Variants in TENM2 observed in about 807,000 individuals in gnomAD.
TENM2 encodes teneurin transmembrane protein 2.
A neutral mutation model predicts 245.2 loss-of-function variants in TENM2; 52 were observed. The observed-to-expected ratio is 0.21, with a 90% CI of 0.17 to 0.27. The LOEUF (loss-of-function observed/expected upper bound fraction) is 0.27. Ranked by LOEUF, TENM2 falls within the 10% of genes least tolerant of loss-of-function variation. The probability of loss-of-function intolerance (pLI) is 1.00; values close to 1 mark genes in which losing one functional copy is unlikely to be tolerated. For missense variants in TENM2, 3,046 were observed against 3,666.8 expected, an observed-to-expected ratio of 0.83 and a Z score of 4.37; for synonymous variants, 1,363 against 1,438.9, an observed-to-expected ratio of 0.95 and a Z score of 1.19.
At chr5:167,165,928 A>G in the TENM2 span, among the ~76,000 whole-genome samples, 1 of 152,208 alleles carries the variant, frequency 6.6e-6, no homozygotes, top group Non-Finnish European at 1.5e-5. Flanking sequence ...TACATATTCA[A>G]CAACCAGAAT....
At chr5:167,498,803 T>A (rs558207226) in intron 2 of TENM2, among the ~76,000 whole-genome samples, 2 of 152,282 alleles carry the variant, frequency 1.3e-5, no homozygotes, top group South Asian at 4.2e-4. Context: ...GTCTCACCAC[T>A]TTCCTCTTTT....
Position 168,203,850 on chromosome 5 carries a change from C to A in TENM2, c.3574+18C>A. On this transcript the variant is annotated intron_variant, in intron 18 of 28. Transcript: ENST00000518659. ...TAAAAGTGGTACGTGAACACATCTTCTTTCCCAAATACAGCCTTGCCACTT... is the reference window on the plus strand; with the variant it reads ...TAAAAGTGGTACGTGAACACATCTTATTTCCCAAATACAGCCTTGCCACTT... 1 of 1,588,940 alleles carries A rather than the reference C, an allele frequency of 6.3e-7. No homozygotes were observed. The highest frequency in any genetic ancestry group is 8.6e-7 in the Non-Finnish European group (1 of 1,161,430).
At chr5:167,821,171 G>C (rs1767493752) in intron 2 of TENM2, 1 of 152,140 alleles carries the variant, frequency 6.6e-6, no homozygotes, top group Non-Finnish European at 1.5e-5. Context: ...GGGAACATTT[G>C]TTTTGTTTTG....
chr5:167,281,382 T>G (rs970698646), upstream of TENM2, among the ~76,000 whole-genome samples: 3 of 151,866 alleles, frequency 2.0e-5, no homozygotes, highest in African/African-American at 7.3e-5. Context: ...CCCAAAGTGT[T>G]GGGATTATAG....
chr5:167,643,558 G>A (rs1413318405), intron 2 of TENM2, among the ~76,000 whole-genome samples: 1 of 152,110 alleles, frequency 6.6e-6, no homozygotes, highest in Non-Finnish European at 1.5e-5. Flanking sequence ...AAAAACTGAA[G>A]GGTAACACAT....
intron 8 of TENM2, 82 bp downstream of exon 10, chr5:168,090,851 T>A (rs2152249534): frequency 7.8e-7 from 1 of 1,289,332 alleles, no homozygotes; most frequent in Non-Finnish European, 1.1e-6. Flanking sequence ...ACACATCTTC[T>A]AAGGTAGTTT....
At chr5:167,327,990 A>T (rs891276412) in intron 1 of TENM2, among the ~76,000 whole-genome samples, 1 of 152,160 alleles carries the variant, frequency 6.6e-6, no homozygotes, top group African/African-American at 2.4e-5. Context: ...GAGAGTGCAG[A>T]TGGATGAAAG....
intron 2 of TENM2, among the ~76,000 whole-genome samples, chr5:167,680,649 G>A (rs1050200773): frequency 1.3e-5 from 2 of 152,170 alleles, no homozygotes; most frequent in African/African-American, 4.8e-5. Context: ...CCAGATGAGA[G>A]ACGACGGTGG....
rs1554170170 is a variant in TENM2 at position 168,004,510 on chromosome 5, C to CGT, written c.1186+11329_1186+11330insTG. Among the ~76,000 whole-genome samples the CGT allele has an allele frequency of 8.4e-3, 642 of 76,668 alleles. 7 individuals are homozygous for CGT. The highest frequency in any genetic ancestry group is 0.034 in the African/African-American group (584 of 17,076). 50.3% of individuals were successfully genotyped at this position (76,668 alleles called of 152,430 possible). A position where few individuals can be genotyped will look rare whatever the true frequency, so the allele number is the denominator to read the frequency against. ...CCCCCATTTGGGATGCACGCATGCG[C>CGT]GCGCGCGCACACACACACACACACA... On this transcript the variant is annotated intron_variant, in intron 5 of 28. Coordinates refer to ENST00000518659, the Ensembl canonical transcript of TENM2.
chr5:167,363,989 G>A (rs578006828), intron 1 of TENM2, among the ~76,000 whole-genome samples: 1 of 152,008 alleles, frequency 6.6e-6, no homozygotes, highest in Admixed American at 6.6e-5. Flanking sequence ...ATGAGTTCAA[G>A]CACAATTAAA....
At chr5:167,401,059 C>T (rs1294307529) in intron 2 of TENM2, among the ~76,000 whole-genome samples, 4 of 151,908 alleles carry the variant, frequency 2.6e-5, no homozygotes, top group African/African-American at 9.7e-5. Context: ...CCACTGCACT[C>T]CAGCTCGGGG....
chr5:166,996,474 G>T, the TENM2 span, among the ~76,000 whole-genome samples: 1 of 152,198 alleles, frequency 6.6e-6, no homozygotes, highest in African/African-American at 2.4e-5. Context: ...CGTGTTTTCC[G>T]TGGATATTCC....
chr5:167,690,091 A>T (rs761846727), intron 2 of TENM2, among the ~76,000 whole-genome samples: 2 of 143,824 alleles, frequency 1.4e-5, no homozygotes, highest in Admixed American at 7.3e-5. Flanking sequence ...AAATTTAGGA[A>T]AAAAACACAC....
chr5:168,247,803 A>G lies in TENM2; in HGVS notation c.6864A>G (p.Arg2288=), dbSNP rs1317413093. Residue 2288 remains arginine, a synonymous_variant, in exon 27 of 29, where the codon AGA becomes AGG. Coordinates refer to ENST00000518659, the Ensembl canonical transcript of TENM2. The surrounding 1 kb of genome is among the most constrained non-coding windows in gnomAD (Gnocchi z 7.8). ...ACAATTCCAAGGGCCTCCTAACAAG[A>G]GCCTACAACAAGGCCAGCGGGTGGA... The G allele has an allele frequency of 3.1e-6, 5 of 1,613,816 alleles. No homozygotes were observed. Among genetic ancestry groups the G allele is most frequent in the Non-Finnish European group, 4.2e-6 (5 of 1,179,878 alleles).
chr5:167,994,413 G>A (rs1256476226), intron 5 of TENM2, among the ~76,000 whole-genome samples: 1 of 152,148 alleles, frequency 6.6e-6, no homozygotes, highest in Non-Finnish European at 1.5e-5. Flanking sequence ...CAGCAAGCAT[G>A]GTATCTGCCA....
At chr5:168,069,780 A>T (rs1422942) in intron 7 of TENM2, among the ~76,000 whole-genome samples, 57,604 of 151,818 alleles carry the variant, frequency 0.38, 10,999 homozygotes, top group South Asian at 0.46. Flanking sequence ...TAAACACAAT[A>T]GTTTACGGAG....
chr5:168,211,184 C>T (rs1762777899), intron 19 of TENM2, among the ~76,000 whole-genome samples: 1 of 152,154 alleles, frequency 6.6e-6, no homozygotes, highest in Non-Finnish European at 1.5e-5. Context: ...AGCCTTTGCC[C>T]AACTGCAGTA....
chr5:167,705,513 G>A (rs1399263415), intron 2 of TENM2, among the ~76,000 whole-genome samples: 3 of 152,028 alleles, frequency 2.0e-5, no homozygotes, highest in African/African-American at 7.2e-5. Flanking sequence ...GTCTACCTTT[G>A]CTATCTATTT....
chr5:167,910,642 C>CA (rs1397825372), intron 3 of TENM2, among the ~76,000 whole-genome samples: 1 of 152,154 alleles, frequency 6.6e-6, no homozygotes, highest in Non-Finnish European at 1.5e-5. Flanking sequence ...TTATTTCCTC[C>CA]AAAAAACTAA....
Sources: gnomAD v4.1 joint callset for allele counts (sites outside exome capture counted in the v4.1 genomes callset) on GRCh38, gnomAD v4.1.1 for gene constraint, Gnocchi (gnomAD v3.1) non-coding constraint, MANE v1.5 for transcripts, NCBI Gene and HGNC (gene_info 2026-07-23, HGNC 2026-07-21) for gene names.